AGBL4: variants seen among roughly 807,000 people sequenced by gnomAD.
AGBL4 encodes the protein cytosolic carboxypeptidase 6.
AGBL4 carries 58 observed loss-of-function variants against 66.4 expected under a neutral mutation model. That is an observed-to-expected ratio of 0.87 (90% CI 0.71 to 1.09). AGBL4 has a LOEUF of 1.09. AGBL4 is among the 50% of genes least tolerant of loss of function. AGBL4 has a pLI of 0.00. For synonymous variants in AGBL4, 234 were observed against 222.9 expected (o/e 1.05, Z -0.44); for missense variants, 579 against 631.0 (o/e 0.92, Z 0.88).
intron 6 of AGBL4, among the ~76,000 whole-genome samples, chr1:48,673,593 C>T (rs1023769573): frequency 1.3e-5 from 2 of 152,108 alleles, no homozygotes; most frequent in African/African-American, 4.8e-5. Flanking sequence ...ATTTTTTTCT[C>T]TCTCTCAACA....
chr1:49,865,016 A>G (rs1193514052), intron 1 of AGBL4, among the ~76,000 whole-genome samples: 1 of 152,158 alleles, frequency 6.6e-6, no homozygotes, highest in Non-Finnish European at 1.5e-5. Context: ...TTCAGGCCAG[A>G]TCCAGACCCA....
chr1:48,949,872 A>G (rs1201668660), intron 5 of AGBL4, among the ~76,000 whole-genome samples: 1 of 152,176 alleles, frequency 6.6e-6, no homozygotes, highest in Non-Finnish European at 1.5e-5. Flanking sequence ...TAAATTACTG[A>G]ATTGAAACTG....
intron 6 of AGBL4, among the ~76,000 whole-genome samples, chr1:48,737,696 A>C: frequency 6.6e-6 from 1 of 152,222 alleles, no homozygotes. Context: ...ATAAGATTTT[A>C]ATTTGTTCTC....
intron 2 of AGBL4, among the ~76,000 whole-genome samples, chr1:49,835,417 T>G (rs1645820548): frequency 3.3e-5 from 5 of 152,198 alleles, no homozygotes; most frequent in Admixed American, 3.3e-4. Flanking sequence ...TCCTATCCAT[T>G]TGCTTGGTAA....
intron 11 of AGBL4, among the ~76,000 whole-genome samples, chr1:48,544,193 C>T (rs1186623387): frequency 6.6e-6 from 1 of 152,216 alleles, no homozygotes; most frequent in Admixed American, 6.5e-5. Flanking sequence ...AAAAAGTTCA[C>T]AAGCTGGCAT....
chr1:48,878,609 G>A (rs1435151121), intron 5 of AGBL4, among the ~76,000 whole-genome samples: 1 of 152,020 alleles, frequency 6.6e-6, no homozygotes, highest in African/African-American at 2.4e-5. Context: ...CATTATCACT[G>A]TATATTACAG....
At chr1:49,649,118 T>A (rs1645950231) in intron 3 of AGBL4, among the ~76,000 whole-genome samples, 2 of 152,098 alleles carry the variant, frequency 1.3e-5, no homozygotes, top group Non-Finnish European at 2.9e-5. Flanking sequence ...TCCAACTGTA[T>A]CAATGATTAC....
chr1:49,364,504 T>C (rs76772797), intron 3 of AGBL4, among the ~76,000 whole-genome samples: 2 of 152,082 alleles, frequency 1.3e-5, no homozygotes, highest in African/African-American at 4.8e-5. Flanking sequence ...TTTGAGACAT[T>C]GTCTCTCATT....
At chr1:49,037,688 C>T (rs1413628462) in intron 5 of AGBL4, among the ~76,000 whole-genome samples, 1 of 152,042 alleles carries the variant, frequency 6.6e-6, no homozygotes, top group Non-Finnish European at 1.5e-5. Context: ...CCTTGTGCCC[C>T]TTCTCTGCCC....
chr1:49,737,379 CA>C (rs893979006), intron 2 of AGBL4, among the ~76,000 whole-genome samples: 1 of 152,190 alleles, frequency 6.6e-6, no homozygotes, highest in African/African-American at 2.4e-5. Context: ...ATGTCCTTTG[CA>C]GCAACATGGA....
intron 3 of AGBL4, among the ~76,000 whole-genome samples, chr1:49,316,514 G>A (rs112450403): frequency 1.6e-3 from 243 of 151,918 alleles, no homozygotes; most frequent in Non-Finnish European, 2.7e-3. Flanking sequence ...GAGCATGAAC[G>A]AGAGTTGCAA....
intron 5 of AGBL4, among the ~76,000 whole-genome samples, chr1:48,971,184 G>C (rs753017027): frequency 3.3e-5 from 5 of 152,136 alleles, no homozygotes; most frequent in Admixed American, 1.3e-4. Flanking sequence ...GTGAGCAGTG[G>C]GCAAGGAGTG....
At chr1:48,778,589 A>G (rs1223309545) in intron 6 of AGBL4, among the ~76,000 whole-genome samples, 1 of 152,302 alleles carries the variant, frequency 6.6e-6, no homozygotes, top group East Asian at 1.9e-4. Context: ...AAGTGCACCA[A>G]AATGTTAATA....
At chr1:48,640,314 G>T (rs115685924) in intron 8 of AGBL4, among the ~76,000 whole-genome samples, 1 of 152,104 alleles carries the variant, frequency 6.6e-6, no homozygotes, top group Non-Finnish European at 1.5e-5. Context: ...CTCCATGAGG[G>T]CAGGGATAAT....
At chr1:48,689,160 G>C (rs939195887) in intron 6 of AGBL4, among the ~76,000 whole-genome samples, 59 of 144,430 alleles carry the variant, frequency 4.1e-4, no homozygotes, top group Non-Finnish European at 6.5e-4. Context: ...GATGGAGGTT[G>C]TGCCACTGAA....
chr1:48,988,247 T>C (rs1571168822), intron 5 of AGBL4, among the ~76,000 whole-genome samples: 1 of 152,296 alleles, frequency 6.6e-6, no homozygotes, highest in Non-Finnish European at 1.5e-5. Flanking sequence ...GATAAATGAA[T>C]ACCTTCTCCA....
At chr1:50,009,280 C>T (rs1162188771) in intron 1 of AGBL4, among the ~76,000 whole-genome samples, 4 of 152,032 alleles carry the variant, frequency 2.6e-5, no homozygotes, top group Non-Finnish European at 4.4e-5. Context: ...TACTGGCAAA[C>T]TAAATTTAAC....
intron 6 of AGBL4, among the ~76,000 whole-genome samples, chr1:48,841,940 A>T (rs1337659033): frequency 1.3e-5 from 2 of 152,300 alleles, no homozygotes. Flanking sequence ...TGACATGCAA[A>T]TCTTACGTTC....
intron 4 of AGBL4, among the ~76,000 whole-genome samples, chr1:49,242,784 G>C (rs2148323062): frequency 6.6e-6 from 1 of 151,914 alleles, no homozygotes; most frequent in South Asian, 2.1e-4. Flanking sequence ...GAATCTTCCA[G>C]CTTCTCCATT....
Sources: allele counts gnomAD v4.1 joint callset (sites outside exome capture counted in the v4.1 genomes callset), GRCh38; gene constraint gnomAD v4.1.1; transcripts MANE v1.5; gene names NCBI Gene and HGNC (gene_info 2026-07-23, HGNC 2026-07-21).